TCF12: variants seen among roughly 807,000 people sequenced by gnomAD.
TCF12 encodes transcription factor 12, also known as DNA-binding protein HTF4.
Under a neutral mutation model 86.0 loss-of-function variants are expected in TCF12, and 45 were observed. The observed-to-expected ratio is 0.52, with a 90% CI of 0.41 to 0.67. The LOEUF is 0.67. TCF12 is among the 30% of genes least tolerant of loss of function. The probability of loss-of-function intolerance (pLI) is 0.00; values close to 1 mark genes in which losing one functional copy is unlikely to be tolerated. For missense variants in TCF12, 881 were observed against 859.9 expected, an observed-to-expected ratio of 1.02 and a Z score of -0.31; for synonymous variants, 330 against 299.6, an observed-to-expected ratio of 1.10 and a Z score of -1.05.
At chr15:56,938,544 C>T (rs2060584397) in intron 3 of TCF12, among the ~76,000 whole-genome samples, 1 of 151,986 alleles carries the variant, frequency 6.6e-6, no homozygotes, top group African/African-American at 2.4e-5. Context: ...GGAGGATTCC[C>T]TCTTTCTCTG....
At chr15:57,075,796 TTCTTTCTTTCTCTCTC>T (rs1351107382) in intron 4 of TCF12, among the ~76,000 whole-genome samples, 1 of 26,034 alleles carries the variant, frequency 3.8e-5, no homozygotes, top group Non-Finnish European at 8.0e-5. Context: ...CTTTCTTTCT[TTCTTTCTTTCTCTCTC>T]TCTCTCTCTC....
intron 8 of TCF12, chr15:57,218,890 A>G (rs1457530075): frequency 3.7e-6 from 1 of 272,418 alleles, no homozygotes. Flanking sequence ...GGTTTGTTCT[A>G]GCTAGTTAAG....
rs146333353 is a variant in TCF12 at position 57,157,852 on chromosome 15, C to T, written c.326-8550C>T. ...TGCTGGGATTACAGGCATTAGCCACCGTGCCAGGCCCAGAATGTTCTGGTC... is the reference window on the plus strand; with the variant it reads ...TGCTGGGATTACAGGCATTAGCCACTGTGCCAGGCCCAGAATGTTCTGGTC... On this transcript the variant is annotated intron_variant, in intron 5 of 20. Transcript: ENST00000333725. 6.7e-4 allele frequency among the ~76,000 whole-genome samples: 102 copies of T among 152,106 alleles called. 1 individual carries two copies. The highest frequency in any genetic ancestry group is 6.4e-3 in the East Asian group (33 of 5,152).
chr15:56,921,647 C>G (rs1022177717), intron 3 of TCF12, among the ~76,000 whole-genome samples: 10 of 151,782 alleles, frequency 6.6e-5, no homozygotes, highest in Non-Finnish European at 1.3e-4. Context: ...AAATTTATTT[C>G]TTTGTGCTTA....
intron 8 of TCF12, among the ~76,000 whole-genome samples, chr15:57,209,601 C>G (rs547014191): frequency 6.6e-6 from 1 of 152,274 alleles, no homozygotes; most frequent in Admixed American, 6.5e-5. Context: ...TTTGTCTAAA[C>G]CACCTTTACC....
At chr15:57,077,381 A>ATTTTTTTTTTTTTTTTT (rs11461802) in intron 4 of TCF12, among the ~76,000 whole-genome samples, 1 of 108,484 alleles carries the variant, frequency 9.2e-6, no homozygotes, top group African/African-American at 4.1e-5. Flanking sequence ...GTGTATATAT[A>ATTTTTTTTTTTTTTTTT]TTTTTTTTTT....
At chr15:57,280,734 A>T (rs1441229272) in intron 19 of TCF12, among the ~76,000 whole-genome samples, 1 of 152,258 alleles carries the variant, frequency 6.6e-6, no homozygotes, top group East Asian at 1.9e-4. Context: ...GGGTGGGGAC[A>T]TGGAAAAAGG....
chr15:57,161,519 A>G (rs2054503173), intron 5 of TCF12, among the ~76,000 whole-genome samples: 1 of 152,202 alleles, frequency 6.6e-6, no homozygotes, highest in African/African-American at 2.4e-5. Context: ...CACACAAGTT[A>G]TGTGTCTGAT....
intron 2 of TCF12, among the ~76,000 whole-genome samples, chr15:56,920,487 C>CGTGTGTGTGT (rs71113033): frequency 0.045 from 6,643 of 146,822 alleles, 177 homozygotes; most frequent in African/African-American, 0.066. Flanking sequence ...CACACACACA[C>CGTGTGTGTGT]GTGTGTGTGT....
chr15:57,207,458 G>A (rs773222898), intron 8 of TCF12, among the ~76,000 whole-genome samples: 2 of 152,136 alleles, frequency 1.3e-5, no homozygotes, highest in Non-Finnish European at 2.9e-5. Context: ...ATCACTTAAG[G>A]TCAGGAGTTT....
At chr15:57,039,901 A>C (rs2066780969) in intron 3 of TCF12, among the ~76,000 whole-genome samples, 1 of 152,182 alleles carries the variant, frequency 6.6e-6, no homozygotes, top group South Asian at 2.1e-4. Context: ...ATTGCCTGTC[A>C]TCCAGACCTA....
At chr15:57,007,800 T>TTCTCTCTC (rs368627940) in intron 3 of TCF12, among the ~76,000 whole-genome samples, 1 of 133,492 alleles carries the variant, frequency 7.5e-6, no homozygotes, top group African/African-American at 2.7e-5. Context: ...CTCTCTTTCT[T>TTCTCTCTC]TCTTTCTTTC....
chr15:57,075,804 T>TCTCTC (rs1567370603), intron 4 of TCF12, among the ~76,000 whole-genome samples: 110 of 28,596 alleles, frequency 3.8e-3, no homozygotes, highest in Non-Finnish European at 4.6e-3. Flanking sequence ...CTTTCTTTCT[T>TCTCTC]TCTCTCTCTC....
chr15:56,950,745 GTTTTTTTTTTT>G lies in TCF12; in HGVS notation c.148+29665_148+29675del, dbSNP rs71113040. Among the ~76,000 whole-genome samples the G allele has an allele frequency of 1.7e-4, 15 of 85,922 alleles. 1 individual carries two copies. Among genetic ancestry groups the G allele is most frequent in the East Asian group, 3.3e-4 (1 of 3,022 alleles). 56.4% of individuals were successfully genotyped at this position (85,922 alleles called of 152,430 possible). A position where few individuals can be genotyped will look rare whatever the true frequency, so the allele number is the denominator to read the frequency against. On this transcript the variant is annotated intron_variant, in intron 3 of 20. Transcript: ENST00000333725. ...TTACAAATAAAGCTATTATGACCAT[GTTTTTTTTTTT>G]TTTTTTTTTTTTTTTTTAAGTTAGA...
At chr15:57,171,066 T>A (rs1318973988) in intron 6 of TCF12, among the ~76,000 whole-genome samples, 6 of 151,408 alleles carry the variant, frequency 4.0e-5, no homozygotes, top group African/African-American at 1.5e-4. Context: ...GAGTTATCCT[T>A]GGAGGAAACT....
At position 57,164,761 on chromosome 15, in the gene TCF12, A is replaced by T. The variant is rs545959559; in HGVS notation, c.326-1641A>T. On this transcript the variant is annotated intron_variant, in intron 5 of 20. Transcript: ENST00000333725. ...AATGGCACGATCTTGGCTGACCACA[A>T]CCTCTGCCTCCTGGGTTCAAATGAT... Among the ~76,000 whole-genome samples, 5 of 152,084 alleles carry T rather than the reference A, an allele frequency of 3.3e-5. No individual in the cohort carries two copies. The East Asian group carries it at 9.7e-4, about 29-fold the overall frequency.
At chr15:57,126,741 C>T (rs1452086387) in intron 5 of TCF12, among the ~76,000 whole-genome samples, 2 of 152,106 alleles carry the variant, frequency 1.3e-5, no homozygotes, top group African/African-American at 4.8e-5. Flanking sequence ...CAGTGATTCT[C>T]AAAAGGTCAC....
chr15:57,041,779 C>T (rs1177436174), intron 3 of TCF12, among the ~76,000 whole-genome samples: 1 of 152,074 alleles, frequency 6.6e-6, no homozygotes, highest in Non-Finnish European at 1.5e-5. Flanking sequence ...GGAAAATGGT[C>T]TTTGGAAATT....
chr15:57,036,272 A>G (rs1372746246), intron 3 of TCF12, among the ~76,000 whole-genome samples: 2 of 151,500 alleles, frequency 1.3e-5, no homozygotes, highest in Non-Finnish European at 2.9e-5. Context: ...TTTTTTTTTC[A>G]CTGAAGAAGT....
Sources: gnomAD v4.1 joint callset for allele counts (sites outside exome capture counted in the v4.1 genomes callset) on GRCh38, gnomAD v4.1.1 for gene constraint, MANE v1.5 for transcripts, NCBI Gene and HGNC (gene_info 2026-07-23, HGNC 2026-07-21) for gene names.